KHDRBS3: variants seen among roughly 807,000 people sequenced by gnomAD.
KHDRBS3 encodes KH domain-containing, RNA-binding, signal transduction-associated protein 3.
KHDRBS3 carries 23 observed loss-of-function variants against 45.6 expected under a neutral mutation model. That is an observed-to-expected ratio of 0.50 (90% CI 0.36 to 0.72). The LOEUF is 0.72. KHDRBS3 is among the 30% of genes least tolerant of loss of function. The pLI is 0.00. For synonymous variants in KHDRBS3, 162 were observed against 156.5 expected (o/e 1.04, Z -0.26); for missense variants, 352 against 424.8 (o/e 0.83, Z 1.51).
At chr8:135,639,773 T>G (rs761361236) in intron 7 of KHDRBS3, among the ~76,000 whole-genome samples, 44 of 152,150 alleles carry the variant, frequency 2.9e-4, no homozygotes, top group Non-Finnish European at 5.6e-4. Context: ...CCACAGGCTT[T>G]TAAACAACCA....
chr8:135,528,912 AC>A (rs1446773297), intron 2 of KHDRBS3, among the ~76,000 whole-genome samples: 2 of 152,058 alleles, frequency 1.3e-5, no homozygotes, highest in Admixed American at 6.6e-5. Context: ...CCTCTTAATT[AC>A]CCCCACAGTG....
intron 6 of KHDRBS3, among the ~76,000 whole-genome samples, chr8:135,583,331 C>T (rs931468818): frequency 3.9e-5 from 6 of 152,194 alleles, no homozygotes; most frequent in Non-Finnish European, 5.9e-5. Flanking sequence ...GATGTGTTTC[C>T]TCTCTTTGAA....
intron 1 of KHDRBS3, among the ~76,000 whole-genome samples, chr8:135,498,095 G>A (rs534870138): frequency 4.3e-4 from 66 of 152,138 alleles, no homozygotes; most frequent in African/African-American, 1.6e-3. Context: ...CTGTATGAAG[G>A]GGATGAATGG....
chr8:135,581,888 G>A lies in KHDRBS3; in HGVS notation c.622G>A (p.Gly208Arg), dbSNP rs768491455. The A allele has an allele frequency of 3.1e-6, 5 of 1,594,818 alleles. No homozygotes were observed. In the South Asian group the frequency reaches 5.6e-5, roughly 18 times the overall value. ...PAPAITRGRG[G>R]VTARPVGVVV... ...CTCTCTTGGTTACAGGGGAAGGGGAGGAGTTACAGCCCGGCCAGTTGGAGT... is the reference window on the plus strand; with the variant it reads ...CTCTCTTGGTTACAGGGGAAGGGGAAGAGTTACAGCCCGGCCAGTTGGAGT... Residue 208 changes from glycine (G) to arginine (R), a missense_variant, in exon 6 of 9, where the codon GGA (glycine) becomes AGA (arginine). By Grantham distance (125) the Gly-to-Arg change is moderately radical. Coordinates refer to ENST00000355849, the MANE Select transcript of KHDRBS3 (RefSeq NM_006558.3).
chr8:135,600,974 ATTAG>A (rs1829185509), intron 6 of KHDRBS3, among the ~76,000 whole-genome samples: 1 of 152,172 alleles, frequency 6.6e-6, no homozygotes, highest in African/African-American at 2.4e-5. Context: ...AAGTGCTAGG[ATTAG>A]TAAAGGAGCT....
chr8:135,553,261 A>G lies in KHDRBS3; in HGVS notation c.472-4187A>G, dbSNP rs191746712. ...GCACTTTTTAATGAATAAATATATT[A>G]TATTTTCAGTTTATTGTGTACCATT... On this transcript the variant is annotated intron_variant, in intron 4 of 8. Transcript: ENST00000355849. 1.0e-3 allele frequency among the ~76,000 whole-genome samples: 159 copies of G among 152,196 alleles called. 1 individual carries two copies. The highest frequency in any genetic ancestry group is 3.7e-3 in the African/African-American group (152 of 41,530).
intron 6 of KHDRBS3, among the ~76,000 whole-genome samples, chr8:135,582,841 G>C (rs2130928980): frequency 6.6e-6 from 1 of 152,314 alleles, no homozygotes; most frequent in Admixed American, 6.5e-5. Context: ...TCTCTTGCTA[G>C]GTGCTCTGTG....
intron 7 of KHDRBS3, among the ~76,000 whole-genome samples, chr8:135,630,088 CT>C (rs1326730599): frequency 1.3e-5 from 2 of 152,190 alleles, no homozygotes; most frequent in Non-Finnish European, 2.9e-5. Context: ...TAAGGAATGT[CT>C]GGTACCAAGG....
chr8:135,512,144 C>A (rs1344109694), intron 1 of KHDRBS3, among the ~76,000 whole-genome samples: 1 of 152,062 alleles, frequency 6.6e-6, no homozygotes, highest in East Asian at 1.9e-4. Context: ...TAAAATAATT[C>A]TTTAGTGAAA....
At position 135,548,824 on chromosome 8, in the gene KHDRBS3, A is replaced by C; in HGVS notation, c.395A>C (p.Glu132Ala). ...HLNDDLHVLI[E>A]VFAPPAEAYA... ...AATGATGATCTCCATGTTCTCATTG[A>C]AGTGTTTGCCCCACCTGCAGAAGCT... Residue 132 changes from glutamate (E) to alanine (A), a missense_variant, in exon 4 of 9, where the codon GAA (glutamate) becomes GCA (alanine). Physicochemically the swap from Glu to Ala is moderately radical, Grantham distance 107. Coordinates refer to ENST00000355849, the MANE Select transcript of KHDRBS3 (RefSeq NM_006558.3). 1.9e-6 allele frequency: 3 copies of C among 1,605,464 alleles called. No homozygotes were observed. Among genetic ancestry groups the C allele is most frequent in the Non-Finnish European group, 2.6e-6 (3 of 1,175,600 alleles).
At chr8:135,600,052 TGGCAGGCACCTCTCTCAC>T (rs1257429965) in intron 6 of KHDRBS3, among the ~76,000 whole-genome samples, 33 of 30,824 alleles carry the variant, frequency 1.1e-3, no homozygotes, top group Non-Finnish European at 1.9e-3. Context: ...CAGGCAGCAG[TGGCAGGCACCTCTCTCAC>T]AGCACCAGGC....
chr8:135,481,222 C>CTATATATATATATATA (rs1563709656), intron 1 of KHDRBS3, among the ~76,000 whole-genome samples: 4 of 34,606 alleles, frequency 1.2e-4, no homozygotes, highest in African/African-American at 5.4e-4. Context: ...ATGAAAGCCA[C>CTATATATATATATATA]GATATATATA....
intron 2 of KHDRBS3, chr8:135,538,499 G>A (rs759769122): frequency 1.1e-4 from 17 of 152,256 alleles, no homozygotes; most frequent in Middle Eastern, 3.4e-3. Context: ...CAAAAGGGTG[G>A]GGAGATTTTG....
At chr8:135,604,783 G>C (rs930158548) in intron 6 of KHDRBS3, among the ~76,000 whole-genome samples, 4 of 151,402 alleles carry the variant, frequency 2.6e-5, no homozygotes, top group African/African-American at 9.7e-5. Context: ...TAAAAAAAAA[G>C]CTTATACTAT....
intron 7 of KHDRBS3, among the ~76,000 whole-genome samples, chr8:135,613,422 C>G (rs1162907850): frequency 2.0e-5 from 3 of 151,668 alleles, no homozygotes; most frequent in Non-Finnish European, 2.9e-5. Context: ...GTTTAGAGGG[C>G]CGGCCTGAAG....
intron 1 of KHDRBS3, among the ~76,000 whole-genome samples, chr8:135,506,535 G>A (rs10095112): frequency 0.35 from 52,446 of 151,386 alleles, 11,037 homozygotes; most frequent in South Asian, 0.54. Flanking sequence ...GCCCAAGTAG[G>A]TGGGACTACA....
intron 6 of KHDRBS3, among the ~76,000 whole-genome samples, chr8:135,594,145 G>A (rs543604081): frequency 6.6e-6 from 1 of 152,264 alleles, no homozygotes; most frequent in African/African-American, 2.4e-5. Context: ...AGAGCATGAG[G>A]TACATAACAG....
At chr8:135,507,925 T>A (rs963327730) in intron 1 of KHDRBS3, among the ~76,000 whole-genome samples, 1 of 152,246 alleles carries the variant, frequency 6.6e-6, no homozygotes, top group African/African-American at 2.4e-5. Context: ...TAATTGTGTT[T>A]TGCTTTTAAA....
chr8:135,516,572 G>GTGTGTGTA (rs1554620998), intron 1 of KHDRBS3, among the ~76,000 whole-genome samples: 1 of 149,346 alleles, frequency 6.7e-6, no homozygotes, highest in Non-Finnish European at 1.5e-5. Flanking sequence ...TTCTTACATT[G>GTGTGTGTA]TGTGTGTGTG....
Sources: allele counts gnomAD v4.1 joint callset (sites outside exome capture counted in the v4.1 genomes callset), GRCh38; gene constraint gnomAD v4.1.1; transcripts MANE v1.5; gene names NCBI Gene and HGNC (gene_info 2026-07-23, HGNC 2026-07-21).